Variants in HDAC9 observed in about 807,000 individuals in gnomAD.
HDAC9 encodes histone deacetylase 9.
In HDAC9, 41 loss-of-function variants were observed where a neutral mutation model predicts 139.4. The ratio of observed to expected loss-of-function variants is 0.29; its 90% CI spans 0.23 to 0.38. The LOEUF is 0.38. Among genes scored for constraint, HDAC9 ranks in the 10% least tolerant of loss-of-function variants. HDAC9 has a pLI of 1.00. For synonymous variants in HDAC9, 517 were observed against 476.2 expected, an observed-to-expected ratio of 1.09 and a Z score of -1.12; for missense variants, 1,147 against 1,297.0, an observed-to-expected ratio of 0.88 and a Z score of 1.78.
chr7:18,994,190 C>T (rs1423060540), intron 25 of HDAC9, among the ~76,000 whole-genome samples: 1 of 152,160 alleles, frequency 6.6e-6, no homozygotes, highest in Non-Finnish European at 1.5e-5. Flanking sequence ...TCCAGCCACA[C>T]TGAATCCTGG....
At chr7:18,586,645 G>C (rs1829548196) in intron 3 of HDAC9, among the ~76,000 whole-genome samples, 1 of 152,038 alleles carries the variant, frequency 6.6e-6, no homozygotes, top group Non-Finnish European at 1.5e-5. Context: ...TTTACAAGAT[G>C]TTTCTTAATC....
rs528690719 is a variant in HDAC9, at chr7:18,766,979, ATTAAT to A, written c.2165-123_2165-119del. 2.6e-3 allele frequency: 1,229 copies of A among 468,760 alleles called. 6 individuals carry two copies. The highest frequency in any genetic ancestry group is 0.013 in the Middle Eastern group (24 of 1,816). The allele number at this position is 468,760 out of a possible 1,614,324, so 29.0% of individuals were successfully genotyped here. A position where few individuals can be genotyped will look rare whatever the true frequency, so the allele number is the denominator to read the frequency against. On this transcript the variant is annotated intron_variant, in intron 15 of 25. Coordinates refer to ENST00000686413, the MANE Select transcript of HDAC9 (RefSeq NM_178425.4). ...TGTTGAATAATTGGTCTGAAGTTTT[ATTAAT>A]TTATTTTTGCATCAAACGATAAATA...
chr7:18,243,263 A>G (rs911205928), intron 2 of HDAC9, among the ~76,000 whole-genome samples: 4 of 152,240 alleles, frequency 2.6e-5, no homozygotes, highest in Middle Eastern at 3.2e-3. Flanking sequence ...TATAGCACCA[A>G]TGGTGCTACG....
chr7:18,611,370 A>C (rs1024116520), intron 6 of HDAC9, among the ~76,000 whole-genome samples: 1 of 152,182 alleles, frequency 6.6e-6, no homozygotes, highest in African/African-American at 2.4e-5. Flanking sequence ...ATTAATGTTA[A>C]CAGACTTATA....
chr7:18,260,288 T>C (rs958397426), intron 2 of HDAC9, among the ~76,000 whole-genome samples: 9 of 151,204 alleles, frequency 6.0e-5, no homozygotes, highest in African/African-American at 1.5e-4. Flanking sequence ...GGGGTGCTAA[T>C]TCTGTGACAG....
intron 2 of HDAC9, among the ~76,000 whole-genome samples, chr7:18,227,603 C>T (rs1192702158): frequency 1.3e-5 from 2 of 152,074 alleles, no homozygotes; most frequent in Non-Finnish European, 2.9e-5. Context: ...GGAACCATGT[C>T]TGGTAAAACC....
chr7:18,580,198 T>C (rs1464785938), intron 2 of HDAC9, among the ~76,000 whole-genome samples: 2 of 151,542 alleles, frequency 1.3e-5, no homozygotes, highest in African/African-American at 4.9e-5. Context: ...ATAAATGTAA[T>C]TATTATGAAC....
intron 2 of HDAC9, among the ~76,000 whole-genome samples, chr7:18,184,566 A>G (rs756012909): frequency 3.5e-4 from 54 of 152,206 alleles, no homozygotes; most frequent in Non-Finnish European, 6.2e-4. Context: ...TACCTGAGGT[A>G]AGGTGAGGAA....
intron 1 of HDAC9, among the ~76,000 whole-genome samples, chr7:18,392,327 A>T (rs1275837214): frequency 6.7e-5 from 10 of 150,116 alleles, no homozygotes; most frequent in African/African-American, 2.5e-4. Flanking sequence ...ACACACACAC[A>T]CACACACACA....
At position 18,881,771 on chromosome 7, in the gene HDAC9, T is replaced by C. The variant is rs1379589783; in HGVS notation, c.2803+7175T>C. ...AGAACGTAGTAGCTCTGTTTAGCAG[T>C]TGTATCTTTTATTACTTATCTGTAA... On this transcript the variant is annotated intron_variant, in intron 22 of 25. Coordinates refer to ENST00000686413, the MANE Select transcript of HDAC9 (RefSeq NM_178425.4). Among the ~76,000 whole-genome samples, 6 of 152,244 alleles carry C rather than the reference T, an allele frequency of 3.9e-5. No homozygotes were observed. In the East Asian group the frequency reaches 1.2e-3, roughly 29 times the overall value.
intron 12 of HDAC9, among the ~76,000 whole-genome samples, chr7:18,671,161 C>G (rs778228997): frequency 6.6e-6 from 1 of 151,964 alleles, no homozygotes; most frequent in African/African-American, 2.4e-5. Flanking sequence ...ACTTTTTAAA[C>G]CTATCAAGGA....
At chr7:18,539,946 A>T (rs1219490765) in intron 2 of HDAC9, among the ~76,000 whole-genome samples, 1 of 152,010 alleles carries the variant, frequency 6.6e-6, no homozygotes, top group Non-Finnish European at 1.5e-5. Context: ...AGTACTTTTT[A>T]TAGTAAATAA....
intron 21 of HDAC9, among the ~76,000 whole-genome samples, chr7:18,849,012 A>T (rs574068285): frequency 9.8e-5 from 15 of 152,308 alleles, no homozygotes; most frequent in African/African-American, 3.6e-4. Context: ...ATCTGTAAGT[A>T]TCATGAAAAC....
chr7:18,812,157 T>A (rs1794224205), intron 17 of HDAC9, among the ~76,000 whole-genome samples: 1 of 151,902 alleles, frequency 6.6e-6, no homozygotes, highest in Admixed American at 6.6e-5. Context: ...TTATCTGCAG[T>A]TGATATAATC....
At chr7:18,581,555 CAAGAAGAGACTCCAGG>C (rs1827843115) in intron 2 of HDAC9, among the ~76,000 whole-genome samples, 1 of 152,106 alleles carries the variant, frequency 6.6e-6, no homozygotes, top group African/African-American at 2.4e-5. Flanking sequence ...AGAATGCCAG[CAAGAAGAGACTCCAGG>C]GTCTCTTGAA....
intron 1 of HDAC9, among the ~76,000 whole-genome samples, chr7:18,463,660 A>G (rs1272709567): frequency 6.6e-6 from 1 of 151,568 alleles, no homozygotes; most frequent in Non-Finnish European, 1.5e-5. Context: ...TTTAACTTTT[A>G]TTTCTTTTTC....
intron 1 of HDAC9, among the ~76,000 whole-genome samples, chr7:18,376,669 C>T (rs1785015288): frequency 6.6e-6 from 1 of 152,096 alleles, no homozygotes; most frequent in Non-Finnish European, 1.5e-5. Flanking sequence ...AAAGAGCTAT[C>T]AGAGATGCTG....
intron 21 of HDAC9, among the ~76,000 whole-genome samples, chr7:18,864,789 G>A (rs192101962): frequency 6.6e-6 from 1 of 152,214 alleles, no homozygotes; most frequent in Admixed American, 6.5e-5. Flanking sequence ...CGGTTACAGA[G>A]TTTCCCTGGA....
At chr7:18,702,308 G>A (rs193159264) in intron 12 of HDAC9, among the ~76,000 whole-genome samples, 2 of 152,254 alleles carry the variant, frequency 1.3e-5, no homozygotes, top group African/African-American at 4.8e-5. Context: ...CAAGGAAAAG[G>A]CACTTGGGGG....
Sources: allele counts gnomAD v4.1 joint callset (sites outside exome capture counted in the v4.1 genomes callset), GRCh38; gene constraint gnomAD v4.1.1; transcripts MANE v1.5; gene names NCBI Gene and HGNC (gene_info 2026-07-23, HGNC 2026-07-21).